The following LRRIQ3 variants were observed in gnomAD, a reference collection of about 807,000 sequenced individuals.
LRRIQ3 encodes leucine-rich repeat and IQ domain-containing protein 3.
A neutral mutation model predicts 59.3 loss-of-function variants in LRRIQ3; 75 were observed. The observed-to-expected ratio is 1.26, with a 90% CI of 1.05 to 1.53. LRRIQ3 has a LOEUF of 1.53. Ranked by LOEUF, LRRIQ3 falls within the 40% of genes most tolerant of loss-of-function variation. The pLI, the probability that LRRIQ3 is intolerant of heterozygous loss-of-function variation, is 0.00. For missense variants in LRRIQ3, 831 were observed against 710.0 expected, an observed-to-expected ratio of 1.17 and a Z score of -1.94; for synonymous variants, 250 against 231.3, an observed-to-expected ratio of 1.08 and a Z score of -0.73.
intron 4 of LRRIQ3, chr1:74,144,479 G>GTTT: frequency 2.3e-5 from 6 of 257,770 alleles, no homozygotes; most frequent in Admixed American, 1.1e-4. Context: ...GAAAAAAAAT[G>GTTT]TTTTTTTTTT....
intron 4 of LRRIQ3, among the ~76,000 whole-genome samples, chr1:74,121,054 G>C (rs1646847601): frequency 6.6e-6 from 1 of 151,896 alleles, no homozygotes; most frequent in African/African-American, 2.4e-5. Flanking sequence ...AAAATGAATA[G>C]GTATTTAAAA....
At chr1:74,053,530 GA>G (rs1359039118) in intron 6 of LRRIQ3, among the ~76,000 whole-genome samples, 1 of 151,918 alleles carries the variant, frequency 6.6e-6, no homozygotes, top group Non-Finnish European at 1.5e-5. Context: ...ACAACCAGAT[GA>G]AAAAATGAGC....
intron 5 of LRRIQ3, among the ~76,000 whole-genome samples, chr1:74,099,230 A>G (rs1395843969): frequency 6.6e-6 from 1 of 152,188 alleles, no homozygotes; most frequent in Non-Finnish European, 1.5e-5. Flanking sequence ...GGATATCACC[A>G]CTAATCCCAC....
intron 6 of LRRIQ3, among the ~76,000 whole-genome samples, chr1:74,060,182 C>G (rs979673427): frequency 6.9e-5 from 10 of 144,520 alleles, no homozygotes; most frequent in South Asian, 2.3e-4. Flanking sequence ...TCTTCTTCTT[C>G]TTCTTTTTCT....
At chr1:74,066,657 C>T (rs974823801) in intron 6 of LRRIQ3, among the ~76,000 whole-genome samples, 1 of 152,048 alleles carries the variant, frequency 6.6e-6, no homozygotes, top group African/African-American at 2.4e-5. Flanking sequence ...TTTTCATAGC[C>T]TACTTATGAA....
In LRRIQ3 at chr1:74,026,613, G is replaced by A. The variant is rs1484822257; in HGVS notation, c.*200C>T. 5 of 432,898 alleles carry A rather than the reference G, an allele frequency of 1.2e-5. No homozygotes were observed. Among genetic ancestry groups the A allele is most frequent in the Admixed American group, 8.6e-5 (2 of 23,134 alleles). 26.8% of individuals were successfully genotyped at this position (432,898 alleles called of 1,614,324 possible). On this transcript the variant is annotated 3_prime_UTR_variant, in exon 8 of 8. Coordinates refer to ENST00000354431, the MANE Select transcript of LRRIQ3 (RefSeq NM_001105659.2). ...GGCATCTGATCTAAGAAATTTTTCAGAGGTGCTAAGTCAACTTTAAGTTAA... is the reference window on the plus strand; with the variant it reads ...GGCATCTGATCTAAGAAATTTTTCAAAGGTGCTAAGTCAACTTTAAGTTAA...
chr1:74,130,772 G>C (rs1001537910), intron 4 of LRRIQ3, among the ~76,000 whole-genome samples: 1 of 152,062 alleles, frequency 6.6e-6, no homozygotes, highest in African/African-American at 2.4e-5. Flanking sequence ...GCCCACAAGA[G>C]AAAGCAGGAA....
intron 7 of LRRIQ3, among the ~76,000 whole-genome samples, chr1:74,035,968 T>C (rs1383479358): frequency 2.0e-5 from 3 of 152,182 alleles, no homozygotes; most frequent in Non-Finnish European, 4.4e-5. Flanking sequence ...CCTACTACTA[T>C]TTTTTGTAAC....
chr1:74,155,996 G>C (rs1472137951), intron 3 of LRRIQ3, 130 bp from the exon 4 acceptor site: 2 of 532,740 alleles, frequency 3.8e-6, no homozygotes, highest in Non-Finnish European at 5.9e-6. Flanking sequence ...AGGCATTATA[G>C]TTAAATTATG....
chr1:74,049,051 T>C (rs1000366117), intron 6 of LRRIQ3, among the ~76,000 whole-genome samples: 4 of 152,112 alleles, frequency 2.6e-5, no homozygotes, highest in African/African-American at 9.7e-5. Context: ...GATTTAACCC[T>C]AGATGAGAAA....
At chr1:74,155,946 T>G in intron 3 of LRRIQ3, 80 bp from the exon 4 acceptor site, 2 of 815,400 alleles carry the variant, frequency 2.5e-6, no homozygotes, top group Non-Finnish European at 3.5e-6. Flanking sequence ...TGGTAATCTA[T>G]TGGTTTAAAT....
intron 6 of LRRIQ3, among the ~76,000 whole-genome samples, chr1:74,074,112 C>T (rs898433040): frequency 3.3e-5 from 5 of 152,104 alleles, no homozygotes; most frequent in East Asian, 1.9e-4. Context: ...CATAGCCATA[C>T]AGTAACAAAG....
intron 7 of LRRIQ3, among the ~76,000 whole-genome samples, chr1:74,034,925 T>G (rs534677146): frequency 6.6e-6 from 1 of 152,052 alleles, no homozygotes; most frequent in Non-Finnish European, 1.5e-5. Context: ...AATATGTATG[T>G]ACATAATTTG....
In LRRIQ3 at chr1:74,182,805, G is replaced by A. The variant is rs201477149; in HGVS notation, c.306C>T (p.Leu102=). ...TTGCAAACCCATTGTCATGAAGATAGAGTAGTTTTAGGTTCTTCAATCCAT... is the reference window on the plus strand; with the variant it reads ...TTGCAAACCCATTGTCATGAAGATAAAGTAGTTTTAGGTTCTTCAATCCAT... ...FWNGLKNLKL[L]YLHDNGFAKL... Residue 102 remains leucine (L), a synonymous_variant, in exon 3 of 8, where the codon CTC becomes CTT. Transcript: ENST00000354431. 5 of 1,603,378 alleles carry A rather than the reference G, an allele frequency of 3.1e-6. No individual in the cohort carries two copies. The highest frequency in any genetic ancestry group is 4.5e-5 in the East Asian group (2 of 44,522).
rs755844202 is a variant in LRRIQ3, at chr1:74,026,803, T to G, written c.*10A>C. ...TTTAAGATGATCATAGGATGTGATC[T>G]GGCATTGATTCATTTTATCAGTCCA... is the stretch of plus-strand genomic sequence containing the variant. On this transcript the variant is annotated 3_prime_UTR_variant, in exon 8 of 8. Coordinates refer to ENST00000354431, the MANE Select transcript of LRRIQ3 (RefSeq NM_001105659.2). The G allele has an allele frequency of 5.0e-6, 8 of 1,588,748 alleles. No individual in the cohort carries two copies. Among genetic ancestry groups the G allele is most frequent in the African/African-American group, 1.4e-5 (1 of 73,452 alleles).
At chr1:74,123,787 T>C (rs1409261301) in intron 4 of LRRIQ3, among the ~76,000 whole-genome samples, 1 of 152,030 alleles carries the variant, frequency 6.6e-6, no homozygotes, top group Non-Finnish European at 1.5e-5. Flanking sequence ...AGATATATCT[T>C]CAACAGACTG....
intron 4 of LRRIQ3, among the ~76,000 whole-genome samples, chr1:74,114,634 G>T (rs1057357278): frequency 6.6e-6 from 1 of 151,814 alleles, no homozygotes; most frequent in Admixed American, 6.6e-5. Flanking sequence ...TACTCAGGAG[G>T]CTGAGGCAGG....
intron 3 of LRRIQ3, among the ~76,000 whole-genome samples, chr1:74,173,118 C>A (rs1649427788): frequency 6.6e-6 from 1 of 151,756 alleles, no homozygotes; most frequent in Non-Finnish European, 1.5e-5. Flanking sequence ...TGGCCAGCAT[C>A]CTGGCCGTCT....
chr1:74,026,023 T>C lies in LRRIQ3; in HGVS notation c.*790A>G, dbSNP rs892296007. The C allele has an allele frequency of 6.6e-6, 1 of 152,044 alleles. No individual in the cohort carries two copies. Among genetic ancestry groups the C allele is most frequent in the Non-Finnish European group, 1.5e-5 (1 of 67,932 alleles). 9.4% of individuals were successfully genotyped at this position (152,044 alleles called of 1,614,324 possible). On this transcript the variant is annotated 3_prime_UTR_variant, in exon 8 of 8. Transcript: ENST00000354431. ...GCAAATTTTACAAAGGATTTTTCTG[T>C]CTTTTTTAACAGTTTATTTTTCAAA...
Sources: allele counts gnomAD v4.1 joint callset (sites outside exome capture counted in the v4.1 genomes callset), GRCh38; gene constraint gnomAD v4.1.1; transcripts MANE v1.5; gene names NCBI Gene and HGNC (gene_info 2026-07-23, HGNC 2026-07-21).